P2RY2: variants seen among roughly 807,000 people sequenced by gnomAD.
The protein encoded by P2RY2 is P2Y purinoceptor 2.
For synonymous variants in P2RY2, 241 were observed against 231.9 expected (o/e 1.04, Z -0.35); for missense variants, 567 against 515.7 (o/e 1.10, Z -0.96).
At chr11:73,227,065 G>GTTATC (rs1862299025) in intron 1 of P2RY2, among the ~76,000 whole-genome samples, 1 of 152,054 alleles carries the variant, frequency 6.6e-6, no homozygotes, top group Admixed American at 6.5e-5. Flanking sequence ...TTCTCCTAAT[G>GTTATC]TTATCCCTCC....
At chr11:73,234,034 G>A in intron 2 of P2RY2, 122 bp from the exon 3 acceptor site, 2 of 1,176,480 alleles carry the variant, frequency 1.7e-6, no homozygotes, top group Non-Finnish European at 2.3e-6. Flanking sequence ...TCCAGAGCTT[G>A]GAGGTTCCAG....
rs188500744 is a variant in P2RY2, at chr11:73,221,171, C to T, written c.-200+2739C>T. ...ATGGGTGCAATAGCAAGGGATTGTG[C>T]TTGTTATTGAAATTTGATTACTGAA... On this transcript the variant is annotated intron_variant, in intron 1 of 2. Transcript: ENST00000393597. Among the ~76,000 whole-genome samples, 14 of 152,260 alleles carry T rather than the reference C, an allele frequency of 9.2e-5. No individual in the cohort carries two copies. The East Asian group carries it at 2.7e-3, about 29-fold the overall frequency.
chr11:73,237,610 G>A lies in P2RY2; in HGVS notation c.*2317G>A, dbSNP rs973830614. 3.3e-5 allele frequency among the ~76,000 whole-genome samples: 5 copies of A among 152,068 alleles called. No homozygotes were observed. Among genetic ancestry groups the A allele is most frequent in the East Asian group, 1.9e-4 (1 of 5,200 alleles). On this transcript the variant is annotated 3_prime_UTR_variant, in exon 3 of 3. Transcript: ENST00000393597. ...ACCCTTGAGCCTTTCCCACAGGCCC[G>A]AGCCACTCCACAAGGACACAGGAGG...
intron 2 of P2RY2, among the ~76,000 whole-genome samples, chr11:73,229,102 G>A (rs1862373272): frequency 6.6e-6 from 1 of 152,176 alleles, no homozygotes; most frequent in South Asian, 2.1e-4. Context: ...GATGGACCCA[G>A]CCCTCAAGGA....
chr11:73,235,605 G>A lies in P2RY2; in HGVS notation c.*312G>A, dbSNP rs1210675066. 4 of 1,095,982 alleles carry A rather than the reference G, an allele frequency of 3.6e-6. No homozygotes were observed. The highest frequency in any genetic ancestry group is 3.4e-6 in the Non-Finnish European group (3 of 893,198). The allele number at this position is 1,095,982 out of a possible 1,614,324, so 67.9% of individuals were successfully genotyped here. A position where few individuals can be genotyped will look rare whatever the true frequency, so the allele number is the denominator to read the frequency against. On this transcript the variant is annotated 3_prime_UTR_variant, in exon 3 of 3. Coordinates refer to ENST00000393597, the MANE Select transcript of P2RY2 (RefSeq NM_002564.4). ...CTGGCTGTACTGCCAAGGTACCTAG[G>A]TTGGAGTCCAGCCTAATCAAGTCAA...
At chr11:73,225,385 G>T (rs1022758271) in intron 1 of P2RY2, among the ~76,000 whole-genome samples, 1 of 152,240 alleles carries the variant, frequency 6.6e-6, no homozygotes, top group Non-Finnish European at 1.5e-5. Flanking sequence ...TGGCTCACTG[G>T]TGACCTTGGG....
chr11:73,231,531 T>G (rs1037074637), intron 2 of P2RY2, among the ~76,000 whole-genome samples: 11 of 149,234 alleles, frequency 7.4e-5, no homozygotes, highest in Non-Finnish European at 1.2e-4. Flanking sequence ...CATTCCAGTC[T>G]GGGTGATGGA....
rs974326392 is a variant in P2RY2, at chr11:73,235,481, C to T, written c.*188C>T. On this transcript the variant is annotated 3_prime_UTR_variant, in exon 3 of 3. Transcript: ENST00000393597. ...CCAGAGTCAACTGTTCCCATAACCC[C>T]TAGTCATCGTTTGTGTGTATAAGTT... is the stretch of plus-strand genomic sequence containing the variant. 7.5e-7 allele frequency: 1 copy of T among 1,339,218 alleles called. No homozygotes were observed. The highest frequency in any genetic ancestry group is 9.6e-7 in the Non-Finnish European group (1 of 1,042,664). 83.0% of individuals were successfully genotyped at this position (1,339,218 alleles called of 1,614,324 possible).
At position 73,237,731 on chromosome 11, in the gene P2RY2, T is replaced by G. The variant is rs1477055582; in HGVS notation, c.*2438T>G. Among the ~76,000 whole-genome samples the G allele has an allele frequency of 6.6e-6, 1 of 152,214 alleles. No homozygotes were observed. Among genetic ancestry groups the G allele is most frequent in the Non-Finnish European group, 1.5e-5 (1 of 68,034 alleles). On this transcript the variant is annotated 3_prime_UTR_variant, in exon 3 of 3. Transcript: ENST00000393597. ...GGGCACCTCTGGAACCCAGTTGGAC[T>G]GCCTGGCCCCTTGGTATGCACGTCC...
chr11:73,226,993 A>C (rs1221616341), intron 1 of P2RY2, among the ~76,000 whole-genome samples: 1 of 151,980 alleles, frequency 6.6e-6, no homozygotes, highest in Non-Finnish European at 1.5e-5. Context: ...GTTTTGTTAC[A>C]CAGGTATACA....
In P2RY2 at chr11:73,234,303, G is replaced by T. The variant is rs1473018417; in HGVS notation, c.144G>T (p.Leu48=). The T allele has an allele frequency of 6.2e-7, 1 of 1,613,824 alleles. No homozygotes were observed. Among genetic ancestry groups the T allele is most frequent in the South Asian group, 1.1e-5 (1 of 91,040 alleles). The change falls in exon 3 of 3, where the codon CTG becomes CTT. Residue 48 remains leucine (L), a synonymous_variant. Coordinates refer to ENST00000393597, the MANE Select transcript of P2RY2 (RefSeq NM_002564.4). The part of the protein sequence containing the change: ...VSYGVVCVPG[L]CLNAVALYIF... ...ACGGCGTGGTGTGCGTGCCTGGGCT[G>T]TGTCTGAACGCCGTGGCGCTCTACA...
chr11:73,219,522 C>G (rs1006245861), intron 1 of P2RY2, among the ~76,000 whole-genome samples: 1 of 152,194 alleles, frequency 6.6e-6, no homozygotes, highest in Non-Finnish European at 1.5e-5. Context: ...CAGTGTCCCC[C>G]CATGGGCAGG....
rs560693698 is a variant in P2RY2 at position 73,236,970 on chromosome 11, C to T, written c.*1677C>T. ...AGGACAGGGACTCCCTCCTCTCCCT[C>T]TGGGAGAGCCCTCGCCCTGTGGCCC... On this transcript the variant is annotated 3_prime_UTR_variant, in exon 3 of 3. Transcript: ENST00000393597. 3.0e-6 allele frequency: 3 copies of T among 985,222 alleles called. No individual in the cohort carries two copies. The highest frequency in any genetic ancestry group is 3.5e-5 in the African/African-American group (2 of 57,342). The allele number at this position is 985,222 out of a possible 1,614,324, so 61.0% of individuals were successfully genotyped here.
In P2RY2 at chr11:73,238,149, T is replaced by C. The variant is rs138662225; in HGVS notation, c.*2856T>C. ...GGCGCCTGGATGTAAGCAAGTGCCT[T>C]GGTGACGATCCTGCTGTCACTCACA... On this transcript the variant is annotated 3_prime_UTR_variant, in exon 3 of 3. Coordinates refer to ENST00000393597, the MANE Select transcript of P2RY2 (RefSeq NM_002564.4). Among the ~76,000 whole-genome samples, 317 of 152,296 alleles carry C rather than the reference T, an allele frequency of 2.1e-3. No homozygotes were observed. Among genetic ancestry groups the C allele is most frequent in the African/African-American group, 7.2e-3 (299 of 41,558 alleles).
rs1332397122 is a variant in P2RY2 at position 73,241,914 on chromosome 11, GGACTCT to G, written c.*6626_*6631del. ...AGAGTGTGCAACGTCTTTCCTGCTG[GGACTCT>G]GACTGATACCCTGGTCTCCCTGAGT... On this transcript the variant is annotated 3_prime_UTR_variant, in exon 3 of 3. Transcript: ENST00000393597. 1 of 152,238 alleles carries G rather than the reference GGACTCT, an allele frequency of 6.6e-6. No individual in the cohort carries two copies. The highest frequency in any genetic ancestry group is 1.5e-5 in the Non-Finnish European group (1 of 68,122). The allele number at this position is 152,238 out of a possible 1,614,324, so 9.4% of individuals were successfully genotyped here.
At position 73,235,611 on chromosome 11, in the gene P2RY2, G is replaced by A. The variant is rs773163440; in HGVS notation, c.*318G>A. 8 of 1,085,122 alleles carry A rather than the reference G, an allele frequency of 7.4e-6. No individual in the cohort carries two copies. The highest frequency in any genetic ancestry group is 9.0e-6 in the Non-Finnish European group (8 of 886,168). The allele number at this position is 1,085,122 out of a possible 1,614,324, so 67.2% of individuals were successfully genotyped here. A position where few individuals can be genotyped will look rare whatever the true frequency, so the allele number is the denominator to read the frequency against. ...GTACTGCCAAGGTACCTAGGTTGGA[G>A]TCCAGCCTAATCAAGTCAAATGGAG... On this transcript the variant is annotated 3_prime_UTR_variant, in exon 3 of 3. Coordinates refer to ENST00000393597, the MANE Select transcript of P2RY2 (RefSeq NM_002564.4).
At position 73,234,553 on chromosome 11, in the gene P2RY2, T is replaced by A. The variant is rs751291117; in HGVS notation, c.394T>A (p.Cys132Ser). 1 of 1,596,486 alleles carries A rather than the reference T, an allele frequency of 6.3e-7. No individual in the cohort carries two copies. The highest frequency in any genetic ancestry group is 8.5e-7 in the Non-Finnish European group (1 of 1,170,466). ...LFLTCISVHR[C>S]LGVLRPLRSL... ...CCTCACCTGCATCAGCGTGCACCGG[T>A]GTCTGGGCGTCTTACGACCTCTGCG... Residue 132 changes from cysteine to serine, a missense_variant, in exon 3 of 3, where the codon TGT (cysteine) becomes AGT (serine). By Grantham distance (112) the Cys-to-Ser change is moderately radical. Coordinates refer to ENST00000393597, the MANE Select transcript of P2RY2 (RefSeq NM_002564.4).
chr11:73,238,823 C>T lies in P2RY2; in HGVS notation c.*3530C>T, dbSNP rs1332808147. 2.0e-5 allele frequency among the ~76,000 whole-genome samples: 3 copies of T among 152,214 alleles called. No homozygotes were observed. Among genetic ancestry groups the T allele is most frequent in the African/African-American group, 7.2e-5 (3 of 41,438 alleles). On this transcript the variant is annotated 3_prime_UTR_variant, in exon 3 of 3. Coordinates refer to ENST00000393597, the MANE Select transcript of P2RY2 (RefSeq NM_002564.4). ...GTGCCCCACGACACTCACAGCCCTG[C>T]AGGGCAGAAGGGTCTATAAGTGGCC...
chr11:73,224,357 T>G (rs1862215100), intron 1 of P2RY2, among the ~76,000 whole-genome samples: 3 of 152,182 alleles, frequency 2.0e-5, no homozygotes, highest in Admixed American at 6.5e-5. Context: ...CTCACTCTGC[T>G]CCTCTTCTCT....
Sources: gnomAD v4.1 joint callset for allele counts (sites outside exome capture counted in the v4.1 genomes callset) on GRCh38, gnomAD v4.1.1 for gene constraint, MANE v1.5 for transcripts, NCBI Gene and HGNC (gene_info 2026-07-23, HGNC 2026-07-21) for gene names.